QTMAN: variants seen among roughly 807,000 people sequenced by gnomAD.
The protein encoded by QTMAN is tRNA-queuosine alpha-mannosyltransferase.
the QTMAN span, among the ~76,000 whole-genome samples, chr2:143,993,495 C>T: frequency 6.6e-6 from 1 of 151,884 alleles, no homozygotes; most frequent in South Asian, 2.1e-4. Context: ...GCCCTCAATC[C>T]AATTGCATGT....
At chr2:144,116,333 G>GGT in the QTMAN span, among the ~76,000 whole-genome samples, 4 of 146,744 alleles carry the variant, frequency 2.7e-5, no homozygotes, top group South Asian at 2.2e-4. Context: ...TTATGTGAGG[G>GGT]GTGTGTGTGT....
chr2:144,325,871 T>C, the QTMAN span, among the ~76,000 whole-genome samples: 1 of 152,222 alleles, frequency 6.6e-6, no homozygotes, highest in Non-Finnish European at 1.5e-5. Flanking sequence ...TACGGAGTGT[T>C]TGCATTACTT....
At chr2:144,324,853 TAAA>T in the QTMAN span, among the ~76,000 whole-genome samples, 1 of 133,240 alleles carries the variant, frequency 7.5e-6, no homozygotes, top group African/African-American at 2.8e-5. Flanking sequence ...TGCTTCCATT[TAAA>T]AAAAAAAAAA....
the QTMAN span, among the ~76,000 whole-genome samples, chr2:143,948,130 TAA>T: frequency 6.6e-6 from 1 of 152,164 alleles, no homozygotes; most frequent in Non-Finnish European, 1.5e-5. Flanking sequence ...AAGGGGACTA[TAA>T]GGTGACCAGT....
the QTMAN span, among the ~76,000 whole-genome samples, chr2:144,067,041 C>A: frequency 6.6e-6 from 1 of 152,188 alleles, no homozygotes; most frequent in Non-Finnish European, 1.5e-5. Context: ...TGAATTCGAC[C>A]ACTTTTCACT....
At chr2:144,001,893 C>T in the QTMAN span, among the ~76,000 whole-genome samples, 2 of 151,820 alleles carry the variant, frequency 1.3e-5, no homozygotes, top group Non-Finnish European at 2.9e-5. Context: ...ATTCCAATGG[C>T]TGGTGGCAGC....
At chr2:144,133,151 A>ATATATAT in the QTMAN span, among the ~76,000 whole-genome samples, 31 of 51,362 alleles carry the variant, frequency 6.0e-4, no homozygotes, top group African/African-American at 2.2e-3. Flanking sequence ...ATATATATAT[A>ATATATAT]ATATAATATA....
chr2:144,107,766 C>A, the QTMAN span, among the ~76,000 whole-genome samples: 2 of 152,208 alleles, frequency 1.3e-5, no homozygotes, highest in Non-Finnish European at 2.9e-5. Context: ...AGGCCAGCAT[C>A]ATCCTGATAC....
chr2:144,185,813 A>C, the QTMAN span, among the ~76,000 whole-genome samples: 1 of 152,222 alleles, frequency 6.6e-6, no homozygotes, highest in Non-Finnish European at 1.5e-5. Context: ...TGTAGGAGAA[A>C]AGAAGTTAGA....
At chr2:144,008,835 C>G in the QTMAN span, among the ~76,000 whole-genome samples, 1 of 152,066 alleles carries the variant, frequency 6.6e-6, no homozygotes. Flanking sequence ...GGCCTTGTCA[C>G]ATCATAGGTC....
At chr2:144,134,540 G>C in the QTMAN span, among the ~76,000 whole-genome samples, 143 of 152,180 alleles carry the variant, frequency 9.4e-4, 2 homozygotes, top group East Asian at 0.02. Flanking sequence ...ACTACAAATT[G>C]AGGAAATTCA....
chr2:144,234,590 T>C, the QTMAN span, among the ~76,000 whole-genome samples: 5 of 152,146 alleles, frequency 3.3e-5, no homozygotes, highest in South Asian at 2.1e-4. Context: ...TGTTGATAAA[T>C]AGAACCAAAC....
the QTMAN span, among the ~76,000 whole-genome samples, chr2:143,993,265 T>C: frequency 6.6e-6 from 1 of 152,138 alleles, no homozygotes; most frequent in Non-Finnish European, 1.5e-5. Context: ...ACTCAAAAAG[T>C]ATAAAATGAA....
At chr2:144,259,054 C>T in the QTMAN span, among the ~76,000 whole-genome samples, 1 of 152,182 alleles carries the variant, frequency 6.6e-6, no homozygotes, top group Non-Finnish European at 1.5e-5. Context: ...CTTTTCTGAT[C>T]ATCCAGAGAT....
the QTMAN span, among the ~76,000 whole-genome samples, chr2:144,010,975 G>A: frequency 6.6e-6 from 1 of 152,070 alleles, no homozygotes; most frequent in African/African-American, 2.4e-5. Flanking sequence ...GCTACAGCTA[G>A]GAAACCTTAA....
At chr2:144,212,259 T>C in the QTMAN span, among the ~76,000 whole-genome samples, 1 of 152,084 alleles carries the variant, frequency 6.6e-6, no homozygotes. Context: ...GGTCAGGAGT[T>C]CGAAACCAGA....
At chr2:144,108,634 T>A in the QTMAN span, among the ~76,000 whole-genome samples, 1 of 132,732 alleles carries the variant, frequency 7.5e-6, no homozygotes. Context: ...CAAGACTCTG[T>A]CTCAATTAAA....
At chr2:144,100,859 CTTTTTTTTTTTTTTTTT>C in the QTMAN span, among the ~76,000 whole-genome samples, 38 of 77,920 alleles carry the variant, frequency 4.9e-4, no homozygotes, top group Admixed American at 8.9e-4. Context: ...GTCTTTCTTT[CTTTTTTTTTTTTTTTTT>C]TTTTTTTTTT....
At chr2:144,103,279 T>C in the QTMAN span, among the ~76,000 whole-genome samples, 8 of 152,210 alleles carry the variant, frequency 5.3e-5, no homozygotes, top group Admixed American at 2.0e-4. Context: ...TACAATGCTA[T>C]GTAAAACTGG....
Sources: gnomAD v4.1 joint callset for allele counts (sites outside exome capture counted in the v4.1 genomes callset) on GRCh38, gnomAD v4.1.1 for gene constraint, MANE v1.5 for transcripts, NCBI Gene and HGNC (gene_info 2026-07-23, HGNC 2026-07-21) for gene names.